Variants in ABCG2 observed in about 807,000 individuals in gnomAD.
The protein encoded by ABCG2 is broad substrate specificity ATP-binding cassette transporter ABCG2.
In ABCG2, 80 loss-of-function variants were observed where a neutral mutation model predicts 73.5. That is an observed-to-expected ratio of 1.09 (90% CI 0.91 to 1.31). The LOEUF (loss-of-function observed/expected upper bound fraction) is 1.31, where lower values mean the gene tolerates loss of function less well. ABCG2 is among the 50% of genes most tolerant of loss of function. The probability of loss-of-function intolerance (pLI) is 0.00; values close to 1 mark genes in which losing one functional copy is unlikely to be tolerated. For missense variants in ABCG2, 796 were observed against 786.2 expected, an observed-to-expected ratio of 1.01 and a Z score of -0.15; for synonymous variants, 269 against 282.4, an observed-to-expected ratio of 0.95 and a Z score of 0.48.
At chr4:88,148,006 T>A (rs1328555903) in intron 1 of ABCG2, among the ~76,000 whole-genome samples, 1 of 152,184 alleles carries the variant, frequency 6.6e-6, no homozygotes, top group East Asian at 1.9e-4. Context: ...CTTTGATAAC[T>A]GAGAGATTAA....
At chr4:88,092,745 G>C (rs1014516761) in intron 15 of ABCG2, among the ~76,000 whole-genome samples, 5 of 152,108 alleles carry the variant, frequency 3.3e-5, no homozygotes, top group Non-Finnish European at 7.4e-5. Context: ...TCTCTCCAAA[G>C]GGCAGAAATA....
At chr4:88,124,659 A>G (rs1041230507) in intron 5 of ABCG2, among the ~76,000 whole-genome samples, 1 of 152,202 alleles carries the variant, frequency 6.6e-6, no homozygotes, top group Non-Finnish European at 1.5e-5. Flanking sequence ...CAGACTCATA[A>G]AGCAAGTCCT....
intron 1 of ABCG2, among the ~76,000 whole-genome samples, chr4:88,172,994 C>T (rs1006446594): frequency 6.6e-6 from 1 of 152,164 alleles, no homozygotes; most frequent in African/African-American, 2.4e-5. Flanking sequence ...GCTCCTGTTC[C>T]ATTAGTGATC....
At chr4:88,133,210 C>T (rs1725023663) in intron 2 of ABCG2, among the ~76,000 whole-genome samples, 1 of 152,104 alleles carries the variant, frequency 6.6e-6, no homozygotes, top group Middle Eastern at 3.2e-3. Flanking sequence ...ACATTTGCTA[C>T]CTAGTCAAAT....
chr4:88,131,103 C>T lies in ABCG2; in HGVS notation c.489G>A (p.Arg163=). 6.2e-7 allele frequency: 1 copy of T among 1,613,946 alleles called. No homozygotes were observed. ...TNHEKNERIN[R]VIQELGLDKV... ...TATCCAGACCTAACTCTTGAATGAC[C>T]CTGTTAATCCGTTCGTTTTTTTCAT... Residue 163 remains arginine, a synonymous_variant, in exon 5 of 16, where the codon AGG becomes AGA. Coordinates refer to ENST00000237612, the MANE Select transcript of ABCG2 (RefSeq NM_004827.3).
chr4:88,190,243 C>T (rs1728631905), intron 1 of ABCG2, among the ~76,000 whole-genome samples: 1 of 152,098 alleles, frequency 6.6e-6, no homozygotes, highest in East Asian at 1.9e-4. Flanking sequence ...TCTTTGATGC[C>T]TAATCTCCTT....
intron 2 of ABCG2, among the ~76,000 whole-genome samples, chr4:88,136,609 G>A (rs1725260109): frequency 6.6e-6 from 1 of 152,230 alleles, no homozygotes; most frequent in Non-Finnish European, 1.5e-5. Flanking sequence ...AGGAGGCTGA[G>A]GTGATAGGAT....
intron 1 of ABCG2, among the ~76,000 whole-genome samples, chr4:88,206,047 A>T (rs1376105889): frequency 6.6e-6 from 1 of 152,176 alleles, no homozygotes; most frequent in East Asian, 1.9e-4. Context: ...TTCGTTCTCT[A>T]ATCCAATCTA....
intron 5 of ABCG2, among the ~76,000 whole-genome samples, chr4:88,123,956 G>A (rs1470381189): frequency 1.3e-5 from 2 of 152,186 alleles, no homozygotes; most frequent in Non-Finnish European, 2.9e-5. Flanking sequence ...CAGACTAACA[G>A]CAGATCTCTC....
chr4:88,157,923 T>C (rs1312251419), intron 1 of ABCG2, among the ~76,000 whole-genome samples: 1 of 152,196 alleles, frequency 6.6e-6, no homozygotes, highest in Non-Finnish European at 1.5e-5. Flanking sequence ...TCAATAATTC[T>C]TTAGCAAACC....
At chr4:88,155,917 TA>T (rs1726907156) in intron 1 of ABCG2, among the ~76,000 whole-genome samples, 1 of 151,008 alleles carries the variant, frequency 6.6e-6, no homozygotes, top group South Asian at 2.1e-4. Flanking sequence ...AAAAAAGAAG[TA>T]ACTCTAATAG....
chr4:88,227,090 A>G (rs936534123), intron 1 of ABCG2, among the ~76,000 whole-genome samples: 1 of 152,006 alleles, frequency 6.6e-6, no homozygotes, highest in Non-Finnish European at 1.5e-5. Context: ...ATACAGCAAT[A>G]CCCTGTCTAA....
chr4:88,207,255 C>G (rs1018161086), intron 1 of ABCG2, among the ~76,000 whole-genome samples: 2 of 152,164 alleles, frequency 1.3e-5, no homozygotes, highest in African/African-American at 2.4e-5. Context: ...TTTAACACTA[C>G]AGAGTTACCA....
upstream of ABCG2, chr4:88,158,921 C>T (rs1161932717): frequency 2.9e-6 from 1 of 346,140 alleles, no homozygotes; most frequent in African/African-American, 2.3e-5. Flanking sequence ...GTGGCCCCTC[C>T]CCAGCGCCCC....
At chr4:88,230,055 C>T (rs899423944) in intron 1 of ABCG2, among the ~76,000 whole-genome samples, 8 of 149,388 alleles carry the variant, frequency 5.4e-5, no homozygotes, top group East Asian at 3.9e-4. Context: ...TACAATGGCG[C>T]GGTCTTAGCT....
At chr4:88,189,339 C>A (rs922798906) in intron 1 of ABCG2, among the ~76,000 whole-genome samples, 2 of 151,870 alleles carry the variant, frequency 1.3e-5, no homozygotes, top group African/African-American at 4.8e-5. Flanking sequence ...AATAGTAACA[C>A]ACCTTCTCCA....
chr4:88,102,879 A>AAG (rs1722528631), intron 10 of ABCG2, among the ~76,000 whole-genome samples: 1 of 152,158 alleles, frequency 6.6e-6, no homozygotes, highest in Non-Finnish European at 1.5e-5. Context: ...CTAAAGAACA[A>AAG]AGATCTAAGG....
intron 1 of ABCG2, among the ~76,000 whole-genome samples, chr4:88,179,988 G>C (rs1228927144): frequency 7.2e-5 from 11 of 152,092 alleles, no homozygotes; most frequent in Admixed American, 7.2e-4. Context: ...CCTTAAAGAG[G>C]AGGTAGAGAG....
intron 1 of ABCG2, among the ~76,000 whole-genome samples, chr4:88,158,153 T>G (rs1727078161): frequency 1.3e-5 from 2 of 152,232 alleles, no homozygotes. Context: ...CAACCCACAC[T>G]TAACACACTA....
Sources: gnomAD v4.1 joint callset for allele counts (sites outside exome capture counted in the v4.1 genomes callset) on GRCh38, gnomAD v4.1.1 for gene constraint, MANE v1.5 for transcripts, NCBI Gene and HGNC (gene_info 2026-07-23, HGNC 2026-07-21) for gene names.